The following AGBL4 variants were observed in gnomAD, a reference collection of about 807,000 sequenced individuals.
AGBL4 encodes AGBL carboxypeptidase 4.
Under a neutral mutation model 66.4 loss-of-function variants are expected in AGBL4, and 58 were observed. The ratio of observed to expected loss-of-function variants is 0.87; its 90% CI spans 0.71 to 1.09. The LOEUF (loss-of-function observed/expected upper bound fraction) is 1.09, where lower values mean the gene tolerates loss of function less well. AGBL4 is among the 50% of genes least tolerant of loss of function. The pLI is 0.00. For synonymous variants in AGBL4, 234 were observed against 222.9 expected (o/e 1.05, Z -0.44); for missense variants, 579 against 631.0 (o/e 0.92, Z 0.88).
intron 2 of AGBL4, among the ~76,000 whole-genome samples, chr1:49,738,455 C>A (rs1650098693): frequency 6.6e-6 from 1 of 152,212 alleles, no homozygotes; most frequent in Non-Finnish European, 1.5e-5. Context: ...GGCCTCCCTG[C>A]CTCTGTAGAC....
chr1:49,985,871 A>G (rs1353717134), intron 1 of AGBL4, among the ~76,000 whole-genome samples: 1 of 152,084 alleles, frequency 6.6e-6, no homozygotes, highest in Non-Finnish European at 1.5e-5. Flanking sequence ...ACAGATAAAT[A>G]CCTGAGGTTT....
chr1:48,573,426 C>G (rs938329228), intron 11 of AGBL4, among the ~76,000 whole-genome samples: 1 of 152,156 alleles, frequency 6.6e-6, no homozygotes, highest in African/African-American at 2.4e-5. Flanking sequence ...CATATTTCCT[C>G]AACACCAGAC....
At chr1:49,176,762 T>C (rs1646839657) in intron 4 of AGBL4, among the ~76,000 whole-genome samples, 1 of 152,130 alleles carries the variant, frequency 6.6e-6, no homozygotes, top group African/African-American at 2.4e-5. Flanking sequence ...TTTCAGGCCC[T>C]GATCACTCCT....
At chr1:49,324,619 A>G (rs1420775762) in intron 3 of AGBL4, among the ~76,000 whole-genome samples, 1 of 152,222 alleles carries the variant, frequency 6.6e-6, no homozygotes, top group African/African-American at 2.4e-5. Context: ...AAAAGCAGGT[A>G]TCTAGGAGTG....
At chr1:49,668,497 C>T (rs1019928043) in intron 3 of AGBL4, among the ~76,000 whole-genome samples, 1 of 152,110 alleles carries the variant, frequency 6.6e-6, no homozygotes, top group Non-Finnish European at 1.5e-5. Flanking sequence ...AATTCTGATA[C>T]TAATAGGTTC....
chr1:48,705,006 T>G (rs1360382432), intron 6 of AGBL4, among the ~76,000 whole-genome samples: 1 of 152,158 alleles, frequency 6.6e-6, no homozygotes, highest in Non-Finnish European at 1.5e-5. Flanking sequence ...TCTACTACAA[T>G]ATAGCAATGT....
chr1:49,284,890 A>G (rs1260321882), intron 3 of AGBL4, among the ~76,000 whole-genome samples: 1 of 150,788 alleles, frequency 6.6e-6, no homozygotes, highest in Non-Finnish European at 1.5e-5. Flanking sequence ...TGAGTGACCT[A>G]CAAAGAGACT....
intron 6 of AGBL4, among the ~76,000 whole-genome samples, chr1:48,801,448 G>A (rs754228703): frequency 4.6e-5 from 7 of 152,124 alleles, no homozygotes; most frequent in Non-Finnish European, 8.8e-5. Context: ...AGTTTCTCTG[G>A]CTGCCTTCCC....
At chr1:49,401,229 G>A (rs946117989) in intron 3 of AGBL4, among the ~76,000 whole-genome samples, 47 of 152,254 alleles carry the variant, frequency 3.1e-4, no homozygotes, top group Admixed American at 3.3e-4. Context: ...AGTGCCATGC[G>A]AAGGGGGAAG....
chr1:49,324,164 G>A (rs1570435913), intron 3 of AGBL4, among the ~76,000 whole-genome samples: 1 of 152,278 alleles, frequency 6.6e-6, no homozygotes, highest in East Asian at 1.9e-4. Flanking sequence ...ATATCTATCT[G>A]CCGCAAAACA....
chr1:49,456,643 G>A (rs1255606267), intron 3 of AGBL4, among the ~76,000 whole-genome samples: 1 of 151,448 alleles, frequency 6.6e-6, no homozygotes, highest in Non-Finnish European at 1.5e-5. Context: ...GTTATTGAGT[G>A]TCAATTTCCG....
intron 9 of AGBL4, among the ~76,000 whole-genome samples, chr1:48,617,129 G>A (rs1645332528): frequency 6.6e-6 from 1 of 152,184 alleles, no homozygotes; most frequent in Non-Finnish European, 1.5e-5. Context: ...AGCAACCATT[G>A]CACAGCATGA....
intron 3 of AGBL4, among the ~76,000 whole-genome samples, chr1:49,633,566 G>A (rs1645612145): frequency 6.6e-6 from 1 of 152,090 alleles, no homozygotes; most frequent in South Asian, 2.1e-4. Context: ...AGCTGAGGTT[G>A]GAGGATTACT....
intron 3 of AGBL4, among the ~76,000 whole-genome samples, chr1:49,285,436 C>T (rs868034124): frequency 2.6e-5 from 4 of 151,956 alleles, no homozygotes; most frequent in East Asian, 1.9e-4. Context: ...CCAAAATTGA[C>T]ACCCTAAGAT....
At chr1:48,942,430 C>A (rs1434749382) in intron 5 of AGBL4, among the ~76,000 whole-genome samples, 1 of 152,108 alleles carries the variant, frequency 6.6e-6, no homozygotes, top group Non-Finnish European at 1.5e-5. Flanking sequence ...TCTCTCAAGT[C>A]ATCAGATTCC....
At chr1:49,365,482 G>C (rs539641370) in intron 3 of AGBL4, among the ~76,000 whole-genome samples, 1 of 151,272 alleles carries the variant, frequency 6.6e-6, no homozygotes, top group African/African-American at 2.4e-5. Context: ...TAGAAGCTAT[G>C]TATTTATTAT....
At chr1:49,904,073 T>C (rs918168524) in intron 1 of AGBL4, among the ~76,000 whole-genome samples, 10 of 152,208 alleles carry the variant, frequency 6.6e-5, no homozygotes, top group Admixed American at 5.9e-4. Flanking sequence ...GCTAACATCA[T>C]ACAGCTACTA....
intron 11 of AGBL4, among the ~76,000 whole-genome samples, chr1:48,572,676 T>C (rs1450561744): frequency 6.6e-6 from 1 of 151,996 alleles, no homozygotes; most frequent in African/African-American, 2.4e-5. Flanking sequence ...GAGAGAGACC[T>C]GGGAGAACTG....
intron 2 of AGBL4, among the ~76,000 whole-genome samples, chr1:49,811,989 A>G (rs1032267374): frequency 1.3e-5 from 2 of 152,162 alleles, no homozygotes; most frequent in Admixed American, 1.3e-4. Context: ...GCTAGTTACA[A>G]AAGTACTCAT....
Sources: gnomAD v4.1 joint callset for allele counts (sites outside exome capture counted in the v4.1 genomes callset) on GRCh38, gnomAD v4.1.1 for gene constraint, MANE v1.5 for transcripts, NCBI Gene and HGNC (gene_info 2026-07-23, HGNC 2026-07-21) for gene names.